Variants in TRAPPC6B observed in about 807,000 individuals in gnomAD.
TRAPPC6B encodes the protein trafficking protein particle complex subunit 6B, also known as TRAPP complex subunit 6B.
Under a neutral mutation model 24.7 loss-of-function variants are expected in TRAPPC6B, and 27 were observed. The observed-to-expected ratio is 1.09, with a 90% CI of 0.81 to 1.51. The LOEUF is 1.51. Among genes scored for constraint, TRAPPC6B ranks in the 40% most tolerant of loss-of-function variants. The pLI is 0.00. For synonymous variants in TRAPPC6B, 80 were observed against 66.6 expected (o/e 1.20, Z -0.98); for missense variants, 212 against 190.8 (o/e 1.11, Z -0.66).
Position 39,150,400 on chromosome 14 carries a change from A to G in TRAPPC6B, c.446-19T>C, listed in dbSNP as rs1162658003. 5 of 1,533,896 alleles carry G rather than the reference A, an allele frequency of 3.3e-6. No individual in the cohort carries two copies. Among genetic ancestry groups the G allele is most frequent in the Non-Finnish European group, 3.5e-6 (4 of 1,132,196 alleles). ...AATTTGCCTAAAAAAAAAAATACAA[A>G]TAATTCTTTGATTTTAGATACAAAG... On this transcript the variant is annotated intron_variant, in intron 5 of 5. Coordinates refer to ENST00000330149, the MANE Select transcript of TRAPPC6B (RefSeq NM_001079537.2).
chr14:39,159,612 T>C lies in TRAPPC6B; in HGVS notation c.82-62A>G, dbSNP rs1483368388. On this transcript the variant is annotated intron_variant, in intron 1 of 5. Transcript: ENST00000330149. ...ATGCTAGGATGTTAGTATTCAGAAA[T>C]TGTTTTACAAGATTGGTTAAAAATA... 56 of 1,282,800 alleles carry C rather than the reference T, an allele frequency of 4.4e-5. No homozygotes were observed. In the East Asian group the frequency reaches 1.1e-3, roughly 26 times the overall value. 79.5% of individuals were successfully genotyped at this position (1,282,800 alleles called of 1,614,324 possible).
chr14:39,152,235 C>T (rs1314187197), intron 4 of TRAPPC6B, among the ~76,000 whole-genome samples: 2 of 152,188 alleles, frequency 1.3e-5, no homozygotes, highest in East Asian at 1.9e-4. Context: ...CTGCCTTAAC[C>T]TCCCCTGGTT....
intron 2 of TRAPPC6B, chr14:39,158,629 C>A: frequency 2.5e-6 from 1 of 407,802 alleles, no homozygotes. Context: ...TCAAGCTATC[C>A]TCCCACCTCA....
At chr14:39,156,461 GT>G (rs1335077620) in intron 3 of TRAPPC6B, among the ~76,000 whole-genome samples, 2 of 152,146 alleles carry the variant, frequency 1.3e-5, no homozygotes, top group African/African-American at 2.4e-5. Flanking sequence ...GGGAGTGGTG[GT>G]GCATGCCTAT....
intron 1 of TRAPPC6B, among the ~76,000 whole-genome samples, chr14:39,166,423 T>C (rs1340054558): frequency 1.3e-5 from 2 of 152,198 alleles, no homozygotes; most frequent in African/African-American, 4.8e-5. Context: ...AAATCATGAC[T>C]GTAAAAGAGA....
chr14:39,151,764 C>T lies in TRAPPC6B; in HGVS notation c.427G>A (p.Val143Met). 10 of 1,604,298 alleles carry T rather than the reference C, an allele frequency of 6.2e-6. No homozygotes were observed. Among genetic ancestry groups the T allele is most frequent in the Non-Finnish European group, 8.5e-6 (10 of 1,176,624 alleles). The change falls in exon 5 of 6, where the codon GTG becomes ATG. Residue 143 changes from valine to methionine, a missense_variant. Coordinates refer to ENST00000330149, the MANE Select transcript of TRAPPC6B (RefSeq NM_001079537.2). ...AACTTACAAGCAGGCATTGAAGACA[C>T]TTCAGCTGTTACAATACTTTTTATT... ...LGIKSIVTAEVSSMPACKFQV... is the reference protein window; with the variant it reads ...LGIKSIVTAEMSSMPACKFQV...
At chr14:39,156,185 G>C (rs537160732) in intron 3 of TRAPPC6B, among the ~76,000 whole-genome samples, 18 of 152,194 alleles carry the variant, frequency 1.2e-4, no homozygotes, top group African/African-American at 4.1e-4. Context: ...AGCTAAAGTT[G>C]GTACAAAATG....
intron 1 of TRAPPC6B, among the ~76,000 whole-genome samples, chr14:39,167,939 C>T (rs997966789): frequency 4.6e-5 from 7 of 151,908 alleles, no homozygotes; most frequent in African/African-American, 1.5e-4. Context: ...AAGGGCCAGG[C>T]GCAGTGGCTT....
At chr14:39,168,103 A>G (rs1433962098) in intron 1 of TRAPPC6B, among the ~76,000 whole-genome samples, 2 of 151,748 alleles carry the variant, frequency 1.3e-5, no homozygotes, top group Non-Finnish European at 2.9e-5. Flanking sequence ...GTAATTCCAG[A>G]TACTCAGGAG....
At chr14:39,157,159 GA>G in intron 3 of TRAPPC6B, 3 of 244,408 alleles carry the variant, frequency 1.2e-5, no homozygotes, top group Non-Finnish European at 2.4e-5. Flanking sequence ...CCCTGTTTGA[GA>G]AAAGGCCTAA....
intron 1 of TRAPPC6B, among the ~76,000 whole-genome samples, chr14:39,165,507 A>T (rs1286931619): frequency 4.6e-5 from 7 of 152,182 alleles, no homozygotes; most frequent in Non-Finnish European, 1.0e-4. Context: ...AAACATGCTT[A>T]GGATGAGGCC....
At position 39,154,291 on chromosome 14, in the gene TRAPPC6B, T is replaced by C. The variant is rs770489861; in HGVS notation, c.271A>G (p.Ile91Val). The change falls in exon 4 of 6, where the codon ATC becomes GTC. Residue 91 changes from isoleucine (I) to valine (V), a missense_variant. By Grantham distance (29) the Ile-to-Val change is conservative. Transcript: ENST00000330149. The stretch of plus-strand genomic sequence containing the variant: ...AATTTGTTGTCCTGAAGTACATAGA[T>C]GCCCTGTTCCAAAAATAGAAAAAAA... ...IDNLRTNHQG[I>V]YVLQDNKFRL... is the part of the protein sequence containing the mutation. 1.1e-5 allele frequency: 18 copies of C among 1,607,478 alleles called. No individual in the cohort carries two copies. The Admixed American group carries it at 2.2e-4, about 20-fold the overall frequency.
chr14:39,157,187 C>A, intron 3 of TRAPPC6B: 1 of 290,048 alleles, frequency 3.4e-6, no homozygotes. Flanking sequence ...TGGCATTGGA[C>A]AGGACATCCA....
Position 39,150,264 on chromosome 14 carries a change from A to C in TRAPPC6B, c.*86T>G. 8.8e-7 allele frequency: 1 copy of C among 1,139,204 alleles called. No individual in the cohort carries two copies. Among genetic ancestry groups the C allele is most frequent in the Non-Finnish European group, 1.3e-6 (1 of 789,912 alleles). 70.6% of individuals were successfully genotyped at this position (1,139,204 alleles called of 1,614,324 possible). A position where few individuals can be genotyped will look rare whatever the true frequency, so the allele number is the denominator to read the frequency against. ...CTTACTCCTGTACAAACATCGAACA[A>C]TGTAATTAAATCATCACTACTTGAA... On this transcript the variant is annotated 3_prime_UTR_variant, in exon 6 of 6. Transcript: ENST00000330149.
chr14:39,151,276 G>T (rs956067153), intron 5 of TRAPPC6B, among the ~76,000 whole-genome samples: 4 of 150,824 alleles, frequency 2.7e-5, no homozygotes, highest in African/African-American at 9.8e-5. Context: ...TGTAGTCCCA[G>T]CTACTCGGGA....
chr14:39,161,041 C>T (rs144886710), intron 1 of TRAPPC6B, among the ~76,000 whole-genome samples: 61 of 152,228 alleles, frequency 4.0e-4, no homozygotes, highest in African/African-American at 1.4e-3. Flanking sequence ...CCACCATTTG[C>T]GAATGTAAAA....
rs1011580960 is a variant in TRAPPC6B, at chr14:39,148,487, G to C, written c.*1863C>G. ...AAATGGGGCTTTGTCAGCAAGGAAG[G>C]GAGAACGAAATGGCTGATGGGTAGG... On this transcript the variant is annotated 3_prime_UTR_variant, in exon 6 of 6. Transcript: ENST00000330149. 2.5e-6 allele frequency: 1 copy of C among 394,198 alleles called. No individual in the cohort carries two copies. The highest frequency in any genetic ancestry group is 1.4e-4 in the South Asian group (1 of 7,024). 24.4% of individuals were successfully genotyped at this position (394,198 alleles called of 1,614,324 possible). A position where few individuals can be genotyped will look rare whatever the true frequency, so the allele number is the denominator to read the frequency against.
intron 2 of TRAPPC6B, 184 bp from the exon 3 acceptor site, chr14:39,158,586 C>T (rs1424757832): frequency 4.0e-6 from 2 of 497,232 alleles, no homozygotes; most frequent in African/African-American, 2.0e-5. Context: ...AGCATAATCT[C>T]GGCTCATTGC....
At chr14:39,160,734 T>C (rs1406030674) in intron 1 of TRAPPC6B, among the ~76,000 whole-genome samples, 1 of 151,808 alleles carries the variant, frequency 6.6e-6, no homozygotes, top group Non-Finnish European at 1.5e-5. Context: ...AGGAGAAAAA[T>C]CCAACCTACT....
Sources: allele counts gnomAD v4.1 joint callset (sites outside exome capture counted in the v4.1 genomes callset), GRCh38; gene constraint gnomAD v4.1.1; transcripts MANE v1.5; gene names NCBI Gene and HGNC (gene_info 2026-07-23, HGNC 2026-07-21).